NTM: variants seen among roughly 807,000 people sequenced by gnomAD.
The protein encoded by NTM is IgLON family member 2.
In NTM, 13 loss-of-function variants were observed where a neutral mutation model predicts 42.1. The ratio of observed to expected loss-of-function variants is 0.31; its 90% CI spans 0.20 to 0.49. The LOEUF (loss-of-function observed/expected upper bound fraction) is 0.49, where lower values mean the gene tolerates loss of function less well. Ranked by LOEUF, NTM falls within the 20% of genes least tolerant of loss-of-function variation. The probability of loss-of-function intolerance (pLI) is 0.99; values close to 1 mark genes in which losing one functional copy is unlikely to be tolerated. For synonymous variants in NTM, 187 were observed against 179.2 expected (o/e 1.04, Z -0.35); for missense variants, 373 against 452.8 (o/e 0.82, Z 1.60).
intron 1 of NTM, among the ~76,000 whole-genome samples, chr11:131,708,926 G>A (rs1239623887): frequency 6.6e-5 from 10 of 152,318 alleles, no homozygotes; most frequent in African/African-American, 2.4e-4. Flanking sequence ...CAGGGAATGA[G>A]GAGGTGGGGT....
At chr11:131,657,068 T>C (rs148550760) in intron 1 of NTM, among the ~76,000 whole-genome samples, 67 of 150,320 alleles carry the variant, frequency 4.5e-4, no homozygotes, top group Admixed American at 1.3e-3. Flanking sequence ...CTGGAGAAGG[T>C]CAAGCCCTTC....
At chr11:132,241,641 G>A (rs777920568) in intron 4 of NTM, among the ~76,000 whole-genome samples, 5 of 152,182 alleles carry the variant, frequency 3.3e-5, no homozygotes, top group Non-Finnish European at 7.3e-5. Context: ...ATGTGTCTCT[G>A]TAAAATGAAG....
chr11:131,566,606 C>T (rs2056916075), intron 1 of NTM, among the ~76,000 whole-genome samples: 1 of 152,210 alleles, frequency 6.6e-6, no homozygotes, highest in Non-Finnish European at 1.5e-5. Flanking sequence ...CGTGCCAACT[C>T]CTGAAATGCA....
rs143922471 is a variant in NTM at position 132,220,930 on chromosome 11, A to G, written c.526+8783A>G. ...TCAACCAGCACCCATAAGAGTCAGC[A>G]CCGCCTGGGAGTATGAGAAGGTCCT... is the stretch of plus-strand genomic sequence containing the variant. On this transcript the variant is annotated intron_variant, in intron 4 of 8. Transcript: ENST00000683400. Among the ~76,000 whole-genome samples the G allele has an allele frequency of 6.5e-4, 99 of 152,216 alleles. 1 individual carries two copies. Among genetic ancestry groups the G allele is most frequent in the African/African-American group, 2.3e-3 (95 of 41,528 alleles).
At chr11:131,656,343 T>A (rs1301852060) in intron 1 of NTM, among the ~76,000 whole-genome samples, 1 of 152,194 alleles carries the variant, frequency 6.6e-6, no homozygotes, top group Non-Finnish European at 1.5e-5. Context: ...ATACTGCACC[T>A]CTAGATGACC....
intron 4 of NTM, among the ~76,000 whole-genome samples, chr11:132,256,948 C>T (rs1442637795): frequency 6.6e-6 from 1 of 152,186 alleles, no homozygotes; most frequent in Non-Finnish European, 1.5e-5. Context: ...TTTATCATTG[C>T]AGCAAATTAT....
At chr11:132,029,919 G>A (rs903487115) in intron 2 of NTM, among the ~76,000 whole-genome samples, 2 of 152,156 alleles carry the variant, frequency 1.3e-5, no homozygotes, top group Non-Finnish European at 2.9e-5. Context: ...GGAGGCATCA[G>A]CAGTGTTCCA....
chr11:131,403,685 C>T (rs1165108646), intron 1 of NTM, among the ~76,000 whole-genome samples: 1 of 152,144 alleles, frequency 6.6e-6, no homozygotes, highest in African/African-American at 2.4e-5. Flanking sequence ...TTCGTATCTT[C>T]TCCCCCTCCT....
At chr11:132,167,944 A>G (rs2075535856) in intron 3 of NTM, among the ~76,000 whole-genome samples, 1 of 152,198 alleles carries the variant, frequency 6.6e-6, no homozygotes, top group Admixed American at 6.5e-5. Context: ...AAAACGACTA[A>G]CTGGAAATAC....
chr11:132,011,066 T>C lies in NTM; in HGVS notation c.167+99418T>C, dbSNP rs370042604. On this transcript the variant is annotated intron_variant, in intron 2 of 8. Transcript: ENST00000683400. ...ATTGAGTTGTTTTCATACATGTTAA[T>C]TATAAGCACCAGCAAGCATGGAACC... Among the ~76,000 whole-genome samples the C allele has an allele frequency of 2.9e-4, 44 of 151,888 alleles. 2 individuals carry two copies. Among genetic ancestry groups the C allele is most frequent in the African/African-American group, 9.9e-4 (41 of 41,336 alleles).
intron 4 of NTM, among the ~76,000 whole-genome samples, chr11:132,252,351 C>T (rs1334256943): frequency 6.6e-6 from 1 of 152,108 alleles, no homozygotes; most frequent in East Asian, 1.9e-4. Context: ...TGATATAGCC[C>T]ACTGGCTAAA....
At position 131,398,826 on chromosome 11, in the gene NTM, G is replaced by C. The variant is rs188288244; in HGVS notation, c.82+27938G>C. Among the ~76,000 whole-genome samples the C allele has an allele frequency of 2.6e-5, 4 of 152,232 alleles. No individual in the cohort carries two copies. In the East Asian group the frequency reaches 7.7e-4, roughly 29 times the overall value. On this transcript the variant is annotated intron_variant, in intron 1 of 8. Coordinates refer to ENST00000683400, the MANE Select transcript of NTM (RefSeq NM_001352005.2). ...GTAAAACAACACAGACCCCAAGTGA[G>C]GTCTTTTGTCTCTTGGTTTCACATT...
chr11:131,987,555 G>C (rs2066283665), intron 2 of NTM, among the ~76,000 whole-genome samples: 1 of 152,090 alleles, frequency 6.6e-6, no homozygotes, highest in Non-Finnish European at 1.5e-5. Context: ...CACATTACCT[G>C]GTGAGGAAAA....
chr11:132,292,787 TAA>T (rs61603794), intron 4 of NTM, among the ~76,000 whole-genome samples: 204 of 56,558 alleles, frequency 3.6e-3, no homozygotes, highest in Middle Eastern at 0.017. Context: ...GATGTAAAAG[TAA>T]AAAAAAAAAA....
intron 1 of NTM, among the ~76,000 whole-genome samples, chr11:131,557,055 C>CTTTTTTTTTTTTT (rs970811707): frequency 1.3e-5 from 2 of 151,946 alleles, no homozygotes; most frequent in African/African-American, 4.8e-5. Context: ...TGATTTGTAA[C>CTTTTTTTTTTTTT]TTTTTTTCTT....
At chr11:131,829,669 T>C (rs140556120) in intron 1 of NTM, among the ~76,000 whole-genome samples, 140 of 152,318 alleles carry the variant, frequency 9.2e-4, no homozygotes, top group Non-Finnish European at 1.8e-3. Flanking sequence ...AACTTTTTGG[T>C]AGAATGTTTT....
chr11:131,677,107 G>A (rs761541256), intron 1 of NTM, among the ~76,000 whole-genome samples: 2 of 152,186 alleles, frequency 1.3e-5, no homozygotes, highest in African/African-American at 2.4e-5. Context: ...GAAACCGCAC[G>A]GTGGGATAGG....
chr11:131,727,749 A>AT (rs1333637137), intron 1 of NTM, among the ~76,000 whole-genome samples: 2 of 152,076 alleles, frequency 1.3e-5, no homozygotes, highest in African/African-American at 2.4e-5. Flanking sequence ...TCCTTTACCC[A>AT]TTTTTTAGGC....
chr11:132,271,631 T>C (rs1241796169), intron 4 of NTM, among the ~76,000 whole-genome samples: 1 of 152,102 alleles, frequency 6.6e-6, no homozygotes, highest in African/African-American at 2.4e-5. Context: ...ATGATTTGCA[T>C]TTTCCTGAGG....
Sources: allele counts gnomAD v4.1 joint callset (sites outside exome capture counted in the v4.1 genomes callset), GRCh38; gene constraint gnomAD v4.1.1; transcripts MANE v1.5; gene names NCBI Gene and HGNC (gene_info 2026-07-23, HGNC 2026-07-21).